Variants in SH3GLB2 observed in about 807,000 individuals in gnomAD.
The protein encoded by SH3GLB2 is endophilin-B2.
In SH3GLB2, 24 loss-of-function variants were observed where a neutral mutation model predicts 48.0. The observed-to-expected ratio is 0.50, with a 90% CI of 0.36 to 0.70. The LOEUF is 0.70. Among genes scored for constraint, SH3GLB2 ranks in the 30% least tolerant of loss-of-function variants. The pLI is 0.00. For synonymous variants in SH3GLB2, 227 were observed against 207.6 expected, an observed-to-expected ratio of 1.09 and a Z score of -0.80; for missense variants, 425 against 516.0, an observed-to-expected ratio of 0.82 and a Z score of 1.71.
chr9:129,017,910 A>C (rs1205494945), intron 3 of SH3GLB2, among the ~76,000 whole-genome samples: 2 of 151,348 alleles, frequency 1.3e-5, no homozygotes, highest in Admixed American at 1.3e-4. Flanking sequence ...ACAAAAAAAA[A>C]AAAAAAAAAA....
At chr9:129,016,908 A>G (rs1241122362) in intron 3 of SH3GLB2, among the ~76,000 whole-genome samples, 2 of 151,884 alleles carry the variant, frequency 1.3e-5, no homozygotes, top group African/African-American at 2.4e-5. Context: ...AGAGAGAAAT[A>G]AGATAATTCA....
intron 5 of SH3GLB2, chr9:129,012,785 GCAGA>G (rs1323644432): frequency 1.7e-6 from 1 of 592,020 alleles, no homozygotes; most frequent in South Asian, 2.1e-5. Context: ...GGATGCATGG[GCAGA>G]CAGAGTGACA....
intron 5 of SH3GLB2, chr9:129,013,295 G>A: frequency 1.9e-6 from 1 of 513,844 alleles, no homozygotes; most frequent in East Asian, 3.2e-5. Context: ...CAGGATGTGA[G>A]GTTGTCCAGG....
chr9:129,019,899 G>A (rs1843675414), intron 3 of SH3GLB2, among the ~76,000 whole-genome samples: 1 of 151,400 alleles, frequency 6.6e-6, no homozygotes, highest in Non-Finnish European at 1.5e-5. Flanking sequence ...GTAATATGAT[G>A]TCAAGTTAAA....
In SH3GLB2 at chr9:129,012,408, AC is replaced by A. The variant is rs146310812; in HGVS notation, c.562-111del. ...GCACAAGGAGATGCCAAGAGGCCTGACCCCAGGGACGGGGATACAAACACAA... is the reference window on the plus strand; with the variant it reads ...GCACAAGGAGATGCCAAGAGGCCTGACCCAGGGACGGGGATACAAACACAA... On this transcript the variant is annotated intron_variant, in intron 5 of 10. Coordinates refer to ENST00000372564, the MANE Select transcript of SH3GLB2 (RefSeq NM_020145.4). The A allele has an allele frequency of 4.1e-4, 240 of 582,432 alleles. 1 individual carries two copies. The African/African-American group carries it at 4.1e-3, about 10-fold the overall frequency. 36.1% of individuals were successfully genotyped at this position (582,432 alleles called of 1,614,324 possible). A position where few individuals can be genotyped will look rare whatever the true frequency, so the allele number is the denominator to read the frequency against.
Position 129,009,794 on chromosome 9 carries a change from C to T in SH3GLB2, c.816G>A (p.Leu272=). The change falls in exon 9 of 11, where the codon CTG becomes CTA. Residue 272 remains leucine (L), a synonymous_variant. Transcript: ENST00000372564. ...ACCTGCCCAGCTGCTTCTGCAAGTC[C>T]AGCATGTGGCGGTAGCACTGTGCGT... ...TYYAQCYRHM[L]DLQKQLGRFP... 2.5e-6 allele frequency: 4 copies of T among 1,613,678 alleles called. No individual in the cohort carries two copies. Among genetic ancestry groups the T allele is most frequent in the Non-Finnish European group, 8.5e-7 (1 of 1,179,812 alleles).
chr9:129,022,456 G>A (rs377261714), intron 1 of SH3GLB2, 33 bp from the exon 2 acceptor site: 29 of 1,600,380 alleles, frequency 1.8e-5, no homozygotes, highest in Middle Eastern at 3.4e-4. Context: ...GGGTGGGGAG[G>A]GGGAGAGCTC....
In SH3GLB2 at chr9:129,021,105, G is replaced by A. The variant is rs779603274; in HGVS notation, c.320C>T (p.Pro107Leu). ...YMADAASELG[P>L]TTPYGKTLIK... ...GGCCTGCTCACCATAGGGGGTGGTC[G>A]GCCCCAGCTCACTGGCCGCGTCTGC... The change falls in exon 3 of 11, where the codon CCG becomes CTG. Residue 107 changes from proline (P) to leucine (L), a missense_variant. Pro to Leu is a moderately conservative substitution (Grantham distance 98, BLOSUM62 -3). Coordinates refer to ENST00000372564, the MANE Select transcript of SH3GLB2 (RefSeq NM_020145.4). 5.8e-5 allele frequency: 94 copies of A among 1,607,788 alleles called. No individual in the cohort carries two copies. Among genetic ancestry groups the A allele is most frequent in the South Asian group, 2.5e-4 (23 of 90,506 alleles).
chr9:129,012,955 G>A (rs971955804), intron 5 of SH3GLB2: 23 of 1,550,260 alleles, frequency 1.5e-5, no homozygotes, highest in African/African-American at 2.7e-5. Context: ...GTGGGTCCAC[G>A]GGCAAGATGG....
At chr9:129,026,042 G>A (rs1844143691) in intron 1 of SH3GLB2, among the ~76,000 whole-genome samples, 1 of 151,886 alleles carries the variant, frequency 6.6e-6, no homozygotes, top group Admixed American at 6.6e-5. Context: ...TCTTGCCTCG[G>A]TGCCCTTATC....
chr9:129,021,456 G>A (rs1178990319), intron 2 of SH3GLB2, among the ~76,000 whole-genome samples: 1 of 152,150 alleles, frequency 6.6e-6, no homozygotes, highest in Non-Finnish European at 1.5e-5. Flanking sequence ...CATAATACAT[G>A]CTTGCACAAT....
At position 129,014,274 on chromosome 9, in the gene SH3GLB2, A is replaced by C. The variant is rs1476983336; in HGVS notation, c.561+137T>G. ...GGGCAGGGACAGAGAGGCTCAGCCCAGCAGCCCCCAGCCAGGCATCTCCAG... is the reference window on the plus strand; with the variant it reads ...GGGCAGGGACAGAGAGGCTCAGCCCCGCAGCCCCCAGCCAGGCATCTCCAG... On this transcript the variant is annotated intron_variant, in intron 5 of 10. Coordinates refer to ENST00000372564, the MANE Select transcript of SH3GLB2 (RefSeq NM_020145.4). This position sits in a 1 kb window ranked among gnomAD's most constrained non-coding sequence, Gnocchi z 4.1. The C allele has an allele frequency of 1.2e-6, 1 of 800,840 alleles. No homozygotes were observed. Among genetic ancestry groups the C allele is most frequent in the East Asian group, 2.7e-5 (1 of 37,336 alleles). The allele number at this position is 800,840 out of a possible 1,614,324, so 49.6% of individuals were successfully genotyped here. A position where few individuals can be genotyped will look rare whatever the true frequency, so the allele number is the denominator to read the frequency against.
chr9:129,026,459 G>A (rs1236282176), intron 1 of SH3GLB2, among the ~76,000 whole-genome samples: 1 of 152,200 alleles, frequency 6.6e-6, no homozygotes, highest in Non-Finnish European at 1.5e-5. Context: ...TGGTGCTGGA[G>A]TCCGAGGCTG....
intron 3 of SH3GLB2, among the ~76,000 whole-genome samples, chr9:129,018,215 C>T (rs966332407): frequency 6.6e-6 from 1 of 152,188 alleles, no homozygotes; most frequent in Admixed American, 6.5e-5. Flanking sequence ...AATGAAACAA[C>T]ACACTACTGA....
intron 5 of SH3GLB2, chr9:129,013,955 G>C (rs1843270803): frequency 2.2e-6 from 1 of 455,648 alleles, no homozygotes; most frequent in African/African-American, 2.0e-5. Context: ...CTCGGACACG[G>C]CCCTGAGCAA....
At chr9:129,021,958 CAA>C (rs112400796) in intron 2 of SH3GLB2, among the ~76,000 whole-genome samples, 16 of 53,360 alleles carry the variant, frequency 3.0e-4, no homozygotes, top group South Asian at 5.8e-4. Context: ...GACTCCACCT[CAA>C]AAAAAAAAAA....
At chr9:129,023,086 A>T (rs557036775) in intron 1 of SH3GLB2, among the ~76,000 whole-genome samples, 7 of 152,300 alleles carry the variant, frequency 4.6e-5, no homozygotes, top group African/African-American at 1.4e-4. Flanking sequence ...GGTTAGACAT[A>T]AAGGCTGGGT....
Position 129,009,842 on chromosome 9 carries a change from G to T in SH3GLB2, c.768C>A (p.Phe256Leu). ...CGTAGTAGGTTGTCTGAGACTTGAC[G>T]AACTCGTGGAGGCAGCGCAGGTGGT... is the stretch of plus-strand genomic sequence containing the variant. ...HVNHLRCLHE[F>L]VKSQTTYYAQ... The change falls in exon 9 of 11, where the codon TTC becomes TTA. Residue 256 changes from phenylalanine to leucine, a missense_variant. Phe to Leu is a conservative substitution (Grantham distance 22, BLOSUM62 0). Transcript: ENST00000372564. The T allele has an allele frequency of 6.2e-7, 1 of 1,613,962 alleles. No individual in the cohort carries two copies. The highest frequency in any genetic ancestry group is 1.1e-5 in the South Asian group (1 of 91,046).
rs1844281000 is a variant in SH3GLB2, at chr9:129,028,227, C to T, written c.-73G>A. 9.7e-7 allele frequency: 1 copy of T among 1,030,946 alleles called. No homozygotes were observed. Among genetic ancestry groups the T allele is most frequent in the Non-Finnish European group, 1.2e-6 (1 of 846,036 alleles). 63.9% of individuals were successfully genotyped at this position (1,030,946 alleles called of 1,614,324 possible). On this transcript the variant is annotated 5_prime_UTR_variant, in exon 1 of 11. Transcript: ENST00000372564. ...CCCCGGCCCAGCCGCCGCCGCCAAC[C>T]GCACCCCGCCCACCTGCTGCGGGGC...
Sources: allele counts gnomAD v4.1 joint callset (sites outside exome capture counted in the v4.1 genomes callset), GRCh38; gene constraint gnomAD v4.1.1; non-coding constraint Gnocchi (gnomAD v3.1); transcripts MANE v1.5; gene names NCBI Gene and HGNC (gene_info 2026-07-23, HGNC 2026-07-21).